TCF4: variants seen among roughly 807,000 people sequenced by gnomAD.
The protein encoded by TCF4 is transcription factor 4.
TCF4 carries 3 observed loss-of-function variants against 82.1 expected under a neutral mutation model. The ratio of observed to expected loss-of-function variants is 0.04; its 90% CI spans 0.02 to 0.09. The LOEUF (loss-of-function observed/expected upper bound fraction) is 0.09, where lower values mean the gene tolerates loss of function less well. TCF4 is among the 10% of genes least tolerant of loss of function. The probability of loss-of-function intolerance (pLI) is 1.00; values close to 1 mark genes in which losing one functional copy is unlikely to be tolerated. For missense variants in TCF4, 518 were observed against 852.7 expected (o/e 0.61, Z 4.89); for synonymous variants, 276 against 309.6 (o/e 0.89, Z 1.14).
chr18:55,338,163 T>C (rs999358269), intron 8 of TCF4, among the ~76,000 whole-genome samples: 51 of 152,258 alleles, frequency 3.3e-4, no homozygotes, highest in Middle Eastern at 3.4e-3. Context: ...AGCTTGCCCA[T>C]TTCATTTCGA....
chr18:55,609,854 C>T (rs1217073310), intron 2 of TCF4, among the ~76,000 whole-genome samples: 1 of 152,128 alleles, frequency 6.6e-6, no homozygotes, highest in African/African-American at 2.4e-5. Flanking sequence ...CTAATGTTAC[C>T]TTCCCAGAGA....
At chr18:55,334,205 AAAAG>A (rs1259119205) in intron 8 of TCF4, among the ~76,000 whole-genome samples, 1 of 152,194 alleles carries the variant, frequency 6.6e-6, no homozygotes, top group East Asian at 1.9e-4. Context: ...TATCTTTTAT[AAAAG>A]AAACACAGTT....
Position 55,491,435 on chromosome 18 carries a change from C to T in TCF4, c.146-27298G>A, listed in dbSNP as rs74548884. On this transcript the variant is annotated intron_variant, in intron 3 of 19. Coordinates refer to ENST00000354452, the MANE Select transcript of TCF4 (RefSeq NM_001083962.2). ...AGGGCATTTATGTTCACAAATCAAG[C>T]AATTATATCCCTAACTATCCATCTG... is the stretch of plus-strand genomic sequence containing the variant. Among the ~76,000 whole-genome samples the T allele has an allele frequency of 9.1e-3, 1,392 of 152,264 alleles. 25 individuals carry two copies. The highest frequency in any genetic ancestry group is 0.032 in the African/African-American group (1,314 of 41,556).
chr18:55,276,221 ATTT>A (rs951372419), intron 9 of TCF4, among the ~76,000 whole-genome samples: 1 of 152,194 alleles, frequency 6.6e-6, no homozygotes, highest in Non-Finnish European at 1.5e-5. Flanking sequence ...GTTTAATTTC[ATTT>A]TTAACATATA....
chr18:55,322,105 C>CTTTTTTTTTTTTTTTTCT (rs2075689503), intron 8 of TCF4: 1 of 588,692 alleles, frequency 1.7e-6, no homozygotes, highest in Non-Finnish European at 2.1e-6. Context: ...TTTTTTTTTC[C>CTTTTTTTTTTTTTTTTCT]TTTTTTTTTT....
At chr18:55,503,580 G>T (rs956049135) in intron 3 of TCF4, among the ~76,000 whole-genome samples, 4 of 152,144 alleles carry the variant, frequency 2.6e-5, no homozygotes, top group Non-Finnish European at 4.4e-5. Context: ...CCACGAATAA[G>T]TACCTAACTC....
chr18:55,231,044 C>T (rs2047779573), intron 17 of TCF4: 1 of 152,266 alleles, frequency 6.6e-6, no homozygotes, highest in Non-Finnish European at 1.5e-5. Flanking sequence ...TGGAAGTCAA[C>T]TGAGTCCACT....
chr18:55,338,789 T>A (rs1352417358), intron 8 of TCF4, among the ~76,000 whole-genome samples: 5 of 152,312 alleles, frequency 3.3e-5, no homozygotes, highest in Admixed American at 2.0e-4. Flanking sequence ...TGTAATGTTC[T>A]AGTTCTCTCC....
chr18:55,329,534 A>G (rs1389955747), intron 8 of TCF4, among the ~76,000 whole-genome samples: 1 of 152,220 alleles, frequency 6.6e-6, no homozygotes, highest in Non-Finnish European at 1.5e-5. Context: ...AAATTCATAA[A>G]CTTTTATTGA....
rs1183770903 is a variant in TCF4, at chr18:55,379,491, G to C, written c.369+23963C>G. On this transcript the variant is annotated intron_variant, in intron 6 of 19. Transcript: ENST00000354452. ...GAAGGGAGTGTGTCCCTGGGAAGCAGAGGAAGCCTCCACATCAGAAAGCCT... is the reference window on the plus strand; with the variant it reads ...GAAGGGAGTGTGTCCCTGGGAAGCACAGGAAGCCTCCACATCAGAAAGCCT... 2.0e-5 allele frequency among the ~76,000 whole-genome samples: 3 copies of C among 152,176 alleles called. 1 individual carries two copies. Among genetic ancestry groups the C allele is most frequent in the Non-Finnish European group, 4.4e-5 (3 of 68,026 alleles).
chr18:55,480,147 TA>T (rs2096389886), intron 3 of TCF4, among the ~76,000 whole-genome samples: 1 of 152,014 alleles, frequency 6.6e-6, no homozygotes, highest in Non-Finnish European at 1.5e-5. Context: ...AGAACATCTT[TA>T]ACATCTCACA....
intron 3 of TCF4, among the ~76,000 whole-genome samples, chr18:55,529,164 G>A (rs2097028775): frequency 6.6e-6 from 1 of 152,110 alleles, no homozygotes; most frequent in Admixed American, 6.6e-5. Flanking sequence ...GGTGGTAACA[G>A]CCAGACTCGT....
chr18:55,248,979 G>C (rs938049942), intron 15 of TCF4, among the ~76,000 whole-genome samples: 3 of 152,010 alleles, frequency 2.0e-5, no homozygotes, highest in African/African-American at 7.2e-5. Flanking sequence ...TCCTGACCTC[G>C]AGTGATCCAC....
At chr18:55,485,574 C>T (rs895148807) in intron 3 of TCF4, among the ~76,000 whole-genome samples, 2 of 152,180 alleles carry the variant, frequency 1.3e-5, no homozygotes, top group Non-Finnish European at 2.9e-5. Context: ...TCTCCTGGTC[C>T]CTGTGGCCCT....
intron 6 of TCF4, among the ~76,000 whole-genome samples, chr18:55,373,326 A>G (rs1050056120): frequency 6.6e-6 from 1 of 152,122 alleles, no homozygotes; most frequent in Non-Finnish European, 1.5e-5. Context: ...TGAAACCTAT[A>G]GTCCACCAAA....
intron 3 of TCF4, among the ~76,000 whole-genome samples, chr18:55,547,275 G>A (rs1322276072): frequency 2.0e-5 from 3 of 152,096 alleles, no homozygotes; most frequent in Non-Finnish European, 4.4e-5. Context: ...AATATTCTAT[G>A]ACAGGATTCC....
chr18:55,480,143 T>C (rs1489412232), intron 3 of TCF4, among the ~76,000 whole-genome samples: 2 of 152,006 alleles, frequency 1.3e-5, no homozygotes, highest in African/African-American at 4.8e-5. Context: ...CTGAAGAACA[T>C]CTTTAACATC....
chr18:55,493,477 C>A (rs2096596758), intron 3 of TCF4, among the ~76,000 whole-genome samples: 1 of 151,976 alleles, frequency 6.6e-6, no homozygotes, highest in African/African-American at 2.4e-5. Context: ...CTACATTATT[C>A]TTTCAGAAGG....
At chr18:55,451,217 T>C (rs940170095) in intron 5 of TCF4, among the ~76,000 whole-genome samples, 18 of 152,210 alleles carry the variant, frequency 1.2e-4, no homozygotes, top group African/African-American at 4.3e-4. Flanking sequence ...GATTTTTCCA[T>C]TCATTACCCA....
Sources: gnomAD v4.1 joint callset for allele counts (sites outside exome capture counted in the v4.1 genomes callset) on GRCh38, gnomAD v4.1.1 for gene constraint, MANE v1.5 for transcripts, NCBI Gene and HGNC (gene_info 2026-07-23, HGNC 2026-07-21) for gene names.